Variants in FAM13C observed in about 807,000 individuals in gnomAD.
FAM13C encodes protein FAM13C.
Under a neutral mutation model 73.2 loss-of-function variants are expected in FAM13C, and 37 were observed. The ratio of observed to expected loss-of-function variants is 0.51; its 90% CI spans 0.39 to 0.67. The LOEUF is 0.67. Among genes scored for constraint, FAM13C ranks in the 30% least tolerant of loss-of-function variants. FAM13C has a pLI of 0.00. For missense variants in FAM13C, 589 were observed against 715.6 expected (o/e 0.82, Z 2.02); for synonymous variants, 246 against 260.9 (o/e 0.94, Z 0.55).
rs536376801 is a variant in FAM13C at position 59,329,279 on chromosome 10, C to T, written c.325-5173G>A. On this transcript the variant is annotated intron_variant, in intron 3 of 13. Coordinates refer to ENST00000618804, the MANE Select transcript of FAM13C (RefSeq NM_198215.4). Reference sequence around the variant, plus strand: ...AACGCAGGCATAGGCTCAAAATCCACATATATCCATGAAGTAGGATGTCCT... The same window carrying T: ...AACGCAGGCATAGGCTCAAAATCCATATATATCCATGAAGTAGGATGTCCT... Among the ~76,000 whole-genome samples the T allele has an allele frequency of 1.3e-4, 19 of 149,326 alleles. 1 individual carries two copies. The highest frequency in any genetic ancestry group is 1.0e-3 in the East Asian group (5 of 5,020).
intron 1 of FAM13C, among the ~76,000 whole-genome samples, chr10:59,357,338 T>C (rs1589738855): frequency 1.3e-5 from 2 of 152,240 alleles, no homozygotes; most frequent in Non-Finnish European, 2.9e-5. Flanking sequence ...ACATCACTTG[T>C]AAACCTTTGT....
chr10:59,312,025 G>A (rs981105756), intron 4 of FAM13C, among the ~76,000 whole-genome samples: 3 of 151,976 alleles, frequency 2.0e-5, no homozygotes, highest in African/African-American at 7.3e-5. Context: ...CTTACAGTTG[G>A]GGGAAAGAGA....
intron 3 of FAM13C, among the ~76,000 whole-genome samples, chr10:59,350,717 G>T (rs562877537): frequency 6.6e-6 from 1 of 152,256 alleles, no homozygotes; most frequent in African/African-American, 2.4e-5. Context: ...AAGGAAGAAG[G>T]AAGATAAAAA....
chr10:59,337,637 G>T (rs1170066148), intron 3 of FAM13C, among the ~76,000 whole-genome samples: 1 of 149,552 alleles, frequency 6.7e-6, no homozygotes, highest in Non-Finnish European at 1.5e-5. Flanking sequence ...AGACAGGATA[G>T]GAACTTTCCA....
rs751705308 is a variant in FAM13C, at chr10:59,352,399, C to T, written c.195G>A (p.Pro65=). Residue 65 remains proline, a synonymous_variant, in exon 3 of 14, where the codon CCG becomes CCA. Coordinates refer to ENST00000618804, the MANE Select transcript of FAM13C (RefSeq NM_198215.4). ...VEEHAPPSWE[P]QQQNVEATVL... ...CGGTCGCCTCTACATTCTGCTGCTG[C>T]GGCTCCCAAGAGGGCGGCGCGTGCT... 4.3e-6 allele frequency: 7 copies of T among 1,613,856 alleles called. No individual in the cohort carries two copies. In the South Asian group the frequency reaches 4.4e-5, roughly 10 times the overall value.
rs1840744517 is a variant in FAM13C at position 59,246,768 on chromosome 10, T to C, written c.*846A>G. The C allele has an allele frequency of 5.1e-6, 2 of 395,722 alleles. No homozygotes were observed. Among genetic ancestry groups the C allele is most frequent in the East Asian group, 7.2e-5 (2 of 27,808 alleles). 24.5% of individuals were successfully genotyped at this position (395,722 alleles called of 1,614,324 possible). On this transcript the variant is annotated 3_prime_UTR_variant, in exon 14 of 14. Coordinates refer to ENST00000618804, the MANE Select transcript of FAM13C (RefSeq NM_198215.4). ...ATGTTGGAACATTAAGAAAAATGTA[T>C]ATTCCCAATGAAAAAATAGTTATAT...
chr10:59,306,168 G>A (rs1430673010), intron 4 of FAM13C, among the ~76,000 whole-genome samples: 1 of 152,162 alleles, frequency 6.6e-6, no homozygotes, highest in Middle Eastern at 3.2e-3. Context: ...GCTCCCTGTT[G>A]ATGAGTGACA....
In FAM13C at chr10:59,262,652, G is replaced by A. The variant is rs367803531; in HGVS notation, c.1025-7C>T. 12 of 1,610,438 alleles carry A rather than the reference G, an allele frequency of 7.5e-6. No homozygotes were observed. In the African/African-American group the frequency reaches 1.6e-4, roughly 22 times the overall value. ...GACAGCTTTAGCTTTAGTTCTAAGA[G>A]AAATGCTATGAGTTATCATAAGCAA... On this transcript the variant is annotated splice_region_variant and splice_polypyrimidine_tract_variant and intron_variant, in intron 9 of 13. Coordinates refer to ENST00000618804, the MANE Select transcript of FAM13C (RefSeq NM_198215.4).
chr10:59,262,580 A>G lies in FAM13C; in HGVS notation c.1090T>C (p.Cys364Arg). The part of the protein sequence containing the change: ...APKGPPRNLL[C>R]EQPTVPRENG... ...TCTCTGGGGACTGTGGGTTGCTCAC[A>G]CAACAGGTTTCTAGGTGGACCTTTG... Residue 364 changes from cysteine (C) to arginine (R), a missense_variant, in exon 10 of 14, where the codon TGT (cysteine) becomes CGT (arginine). Physicochemically the swap from Cys to Arg is radical, Grantham distance 180. Transcript: ENST00000618804. 1 of 1,613,722 alleles carries G rather than the reference A, an allele frequency of 6.2e-7. No homozygotes were observed. The highest frequency in any genetic ancestry group is 8.5e-7 in the Non-Finnish European group (1 of 1,179,750).
intron 3 of FAM13C, among the ~76,000 whole-genome samples, chr10:59,348,695 G>A (rs1057223133): frequency 1.1e-4 from 17 of 152,102 alleles, no homozygotes; most frequent in African/African-American, 4.1e-4. Flanking sequence ...CTGAAGTGCA[G>A]TGGCATGATC....
intron 5 of FAM13C, chr10:59,297,049 C>A (rs1203128872): frequency 6.6e-6 from 1 of 152,226 alleles, no homozygotes; most frequent in Non-Finnish European, 1.5e-5. Flanking sequence ...CTCACTCTAA[C>A]CCATTTATGC....
At chr10:59,331,703 A>T (rs1424753086) in intron 3 of FAM13C, among the ~76,000 whole-genome samples, 5 of 152,190 alleles carry the variant, frequency 3.3e-5, no homozygotes, top group African/African-American at 1.2e-4. Flanking sequence ...CAAGCAAGAG[A>T]TGACTGTCAC....
At chr10:59,310,747 T>C (rs1415389205) in intron 4 of FAM13C, among the ~76,000 whole-genome samples, 2 of 152,174 alleles carry the variant, frequency 1.3e-5, no homozygotes, top group African/African-American at 4.8e-5. Flanking sequence ...CCCAATGGTA[T>C]ACCCTCCCAG....
At chr10:59,362,559 C>G, upstream of FAM13C, 1 of 1,552,216 alleles carries the variant, frequency 6.4e-7, no homozygotes, top group African/African-American at 1.4e-5. Flanking sequence ...CGGGCTCGCC[C>G]GGCACGCTCG....
Sources: gnomAD v4.1 joint callset for allele counts (sites outside exome capture counted in the v4.1 genomes callset) on GRCh38, gnomAD v4.1.1 for gene constraint, MANE v1.5 for transcripts, NCBI Gene and HGNC (gene_info 2026-07-23, HGNC 2026-07-21) for gene names.